Variants in AFF1 observed in about 807,000 individuals in gnomAD.
AFF1 encodes AF4/FMR2 family member 1.
AFF1 carries 48 observed loss-of-function variants against 121.7 expected under a neutral mutation model. The ratio of observed to expected loss-of-function variants is 0.39; its 90% CI spans 0.31 to 0.50. The LOEUF (loss-of-function observed/expected upper bound fraction) is 0.50. AFF1 is among the 20% of genes least tolerant of loss of function. The probability of loss-of-function intolerance (pLI) is 0.76; values close to 1 mark genes in which losing one functional copy is unlikely to be tolerated. For synonymous variants in AFF1, 613 were observed against 563.0 expected, an observed-to-expected ratio of 1.09 and a Z score of -1.26; for missense variants, 1,523 against 1,511.7, an observed-to-expected ratio of 1.01 and a Z score of -0.12.
intron 19 of AFF1, among the ~76,000 whole-genome samples, chr4:87,134,176 G>A (rs141199033): frequency 0.012 from 1,774 of 152,282 alleles, 19 homozygotes; most frequent in South Asian, 0.033. Context: ...ACAGGTGGGT[G>A]CACACACATA....
intron 2 of AFF1, among the ~76,000 whole-genome samples, chr4:87,008,200 T>C (rs1363620701): frequency 6.6e-6 from 1 of 152,240 alleles, no homozygotes; most frequent in Non-Finnish European, 1.5e-5. Context: ...ATATACATTC[T>C]CTTTCAACTG....
At chr4:86,971,368 A>G (rs576159658) in intron 2 of AFF1, among the ~76,000 whole-genome samples, 1 of 152,332 alleles carries the variant, frequency 6.6e-6, no homozygotes, top group African/African-American at 2.4e-5. Flanking sequence ...TTCTTGCATG[A>G]AGATGATGCC....
chr4:87,089,442 GTTC>G (rs1423472079), intron 5 of AFF1, among the ~76,000 whole-genome samples: 2 of 152,262 alleles, frequency 1.3e-5, no homozygotes, highest in South Asian at 4.1e-4. Context: ...CTTCAAAAAA[GTTC>G]TTATTTGCTA....
At chr4:87,034,262 G>C (rs1407082260) in intron 2 of AFF1, among the ~76,000 whole-genome samples, 2 of 152,228 alleles carry the variant, frequency 1.3e-5, no homozygotes, top group African/African-American at 2.4e-5. Context: ...AGTATTCCAG[G>C]GAGGATAGGG....
At chr4:87,042,610 G>C (rs1467881817) in intron 2 of AFF1, among the ~76,000 whole-genome samples, 1 of 152,190 alleles carries the variant, frequency 6.6e-6, no homozygotes, top group Non-Finnish European at 1.5e-5. Flanking sequence ...GGGTGATGGT[G>C]AATCATAAAA....
At position 86,935,241 on chromosome 4, in the gene AFF1, G is replaced by A. The variant is rs1435390045; in HGVS notation, c.-37+1G>A. The A allele has an allele frequency of 6.6e-6, 1 of 152,366 alleles. No individual in the cohort carries two copies. The highest frequency in any genetic ancestry group is 1.5e-5 in the Non-Finnish European group (1 of 68,162). 9.4% of individuals were successfully genotyped at this position (152,366 alleles called of 1,614,324 possible). A position where few individuals can be genotyped will look rare whatever the true frequency, so the allele number is the denominator to read the frequency against. The stretch of plus-strand genomic sequence containing the variant: ...ACTAGAGGACGGAAGGGTCTGGAAG[G>A]TGAGCGCAGCCCTGCGCCACCCAGG... On this transcript the variant is annotated splice_donor_variant, in intron 1 of 20. Coordinates refer to ENST00000395146, the MANE Select transcript of AFF1 (RefSeq NM_001166693.3). LOFTEE classifies it low-confidence loss of function (5UTR_SPLICE).
rs540275533 is a variant in AFF1, at chr4:87,034,293, C to T, written c.39-11873C>T. 4.6e-5 allele frequency among the ~76,000 whole-genome samples: 7 copies of T among 152,284 alleles called. No homozygotes were observed. The South Asian group carries it at 1.0e-3, about 23-fold the overall frequency. ...TAGGGGGAGGAAGGATGCTAGATCT[C>T]GGAAGTGTGCTGGGAATGGGGCCTT... On this transcript the variant is annotated intron_variant, in intron 2 of 20. Coordinates refer to ENST00000395146, the MANE Select transcript of AFF1 (RefSeq NM_001166693.3).
At chr4:86,951,853 A>G (rs1721367380) in intron 2 of AFF1, among the ~76,000 whole-genome samples, 1 of 150,780 alleles carries the variant, frequency 6.6e-6, no homozygotes, top group South Asian at 2.1e-4. Flanking sequence ...TGACCTCATG[A>G]TCTGCCCGCC....
intron 2 of AFF1, among the ~76,000 whole-genome samples, chr4:86,976,349 A>G (rs1166352016): frequency 6.6e-6 from 1 of 152,188 alleles, no homozygotes; most frequent in African/African-American, 2.4e-5. Flanking sequence ...GCTCCGCATT[A>G]TGGAATCAAC....
At chr4:87,089,021 G>A (rs545975396) in intron 5 of AFF1, among the ~76,000 whole-genome samples, 1 of 152,292 alleles carries the variant, frequency 6.6e-6, no homozygotes, top group South Asian at 2.1e-4. Flanking sequence ...GGGATTACAG[G>A]TGTGAGCTGC....
Position 87,046,762 on chromosome 4 carries a change from AG to A in AFF1, c.228del (p.Glu76AspfsTer26). The stretch of plus-strand genomic sequence containing the variant: ...TTGGGAAACTACGAAGAAGTGAAGG[AG>A]TTCCTTAGTACTAAGTCTCACACTC... ...NMLGNYEEVK[E>X]FLSTKSHTHR... On this transcript the variant is annotated frameshift_variant, in exon 4 of 21. Transcript: ENST00000395146. LOFTEE classifies it high-confidence loss of function. 1 of 1,614,160 alleles carries A rather than the reference AG, an allele frequency of 6.2e-7. No individual in the cohort carries two copies. Among genetic ancestry groups the A allele is most frequent in the Non-Finnish European group, 8.5e-7 (1 of 1,180,030 alleles).
At chr4:87,127,252 C>T (rs917240176) in intron 15 of AFF1, 135 bp downstream of exon 15, 13 of 748,446 alleles carry the variant, frequency 1.7e-5, no homozygotes, top group Non-Finnish European at 2.7e-5. Flanking sequence ...CCTCCACCTC[C>T]CGGGTTCAAG....
At chr4:87,115,424 C>A in intron 12 of AFF1, 125 bp downstream of exon 12, 1 of 1,035,468 alleles carries the variant, frequency 9.7e-7, no homozygotes, top group Non-Finnish European at 1.4e-6. Flanking sequence ...CTTTGATTCG[C>A]TGTAGCCTTT....
chr4:87,119,920 A>C (rs889294259), intron 12 of AFF1, among the ~76,000 whole-genome samples: 5 of 152,220 alleles, frequency 3.3e-5, no homozygotes, highest in Non-Finnish European at 7.3e-5. Flanking sequence ...TGATTGGTTC[A>C]GTCCTTCCCT....
intron 2 of AFF1, among the ~76,000 whole-genome samples, chr4:87,009,061 G>C (rs1726461889): frequency 6.6e-6 from 1 of 152,216 alleles, no homozygotes; most frequent in Admixed American, 6.5e-5. Context: ...CCAGGTGTGA[G>C]AGATTCAATG....
Position 87,118,205 on chromosome 4 carries a change from G to A in AFF1, c.2466+2906G>A, listed in dbSNP as rs114776231. 9.2e-3 allele frequency among the ~76,000 whole-genome samples: 1,405 copies of A among 152,296 alleles called. 8 individuals carry two copies. The highest frequency in any genetic ancestry group is 0.016 in the Non-Finnish European group (1,059 of 68,038). ...TCTTTCAGAAGATTTACAGATCCTT[G>A]AATCCACTTCAGACTTAAAAGTGTA... On this transcript the variant is annotated intron_variant, in intron 12 of 20. Coordinates refer to ENST00000395146, the MANE Select transcript of AFF1 (RefSeq NM_001166693.3).
At position 87,079,777 on chromosome 4, in the gene AFF1, C is replaced by T. The variant is rs1376993716; in HGVS notation, c.1060-4343C>T. On this transcript the variant is annotated intron_variant, in intron 4 of 20. Coordinates refer to ENST00000395146, the MANE Select transcript of AFF1 (RefSeq NM_001166693.3). ...CGTGGACTCCAAAAGCATGTCTCCT[C>T]GTTTTAAAAACTGGCATAATACCTA... Among the ~76,000 whole-genome samples the T allele has an allele frequency of 3.9e-5, 6 of 152,128 alleles. No individual in the cohort carries two copies. The East Asian group carries it at 1.2e-3, about 29-fold the overall frequency.
intron 12 of AFF1, among the ~76,000 whole-genome samples, chr4:87,119,160 A>G (rs1171539497): frequency 6.6e-6 from 1 of 152,134 alleles, no homozygotes; most frequent in Non-Finnish European, 1.5e-5. Flanking sequence ...TGCCTGGCCT[A>G]TGTTTTCTTC....
intron 2 of AFF1, among the ~76,000 whole-genome samples, chr4:87,018,200 A>C (rs944541231): frequency 1.3e-5 from 2 of 152,222 alleles, no homozygotes; most frequent in Non-Finnish European, 2.9e-5. Context: ...CTAAGAGCCA[A>C]CCATTGGTGT....
Sources: allele counts gnomAD v4.1 joint callset (sites outside exome capture counted in the v4.1 genomes callset), GRCh38; gene constraint gnomAD v4.1.1; transcripts MANE v1.5; gene names NCBI Gene and HGNC (gene_info 2026-07-23, HGNC 2026-07-21).